IL1RAP: variants seen among roughly 807,000 people sequenced by gnomAD.
IL1RAP encodes interleukin 1 receptor accessory protein, also known as interleukin-1 receptor accessory protein.
A neutral mutation model predicts 60.7 loss-of-function variants in IL1RAP; 35 were observed. That is an observed-to-expected ratio of 0.58 (90% CI 0.44 to 0.76). The LOEUF is 0.76. Ranked by LOEUF, IL1RAP falls within the 30% of genes least tolerant of loss-of-function variation. IL1RAP has a pLI of 0.00. For missense variants in IL1RAP, 572 were observed against 693.9 expected, an observed-to-expected ratio of 0.82 and a Z score of 1.97; for synonymous variants, 268 against 250.9, an observed-to-expected ratio of 1.07 and a Z score of -0.64.
rs570492267 is a variant in IL1RAP, at chr3:190,648,821, A to G, written c.*116A>G. On this transcript the variant is annotated 3_prime_UTR_variant, in exon 12 of 12. Transcript: ENST00000447382. ...CAAAAATAATGGTCTAAGCCTCCCA[A>G]TAGGGATAAATTTAGGGTGACTGTG... The G allele has an allele frequency of 7.0e-4, 1,013 of 1,452,478 alleles. No individual in the cohort carries two copies. Among genetic ancestry groups the G allele is most frequent in the Non-Finnish European group, 8.0e-4 (881 of 1,103,006 alleles). 90.0% of individuals were successfully genotyped at this position (1,452,478 alleles called of 1,614,324 possible).
At chr3:190,632,017 G>A (rs1023814462) in intron 9 of IL1RAP, among the ~76,000 whole-genome samples, 5 of 151,834 alleles carry the variant, frequency 3.3e-5, no homozygotes, top group African/African-American at 9.7e-5. Context: ...TGGCCAGGCT[G>A]GTCTCAAACT....
chr3:190,519,688 TTGATTCTC>T (rs1472162179), intron 1 of IL1RAP, among the ~76,000 whole-genome samples: 14 of 152,194 alleles, frequency 9.2e-5, no homozygotes, highest in Non-Finnish European at 2.9e-5. Flanking sequence ...CAATCCTTTC[TTGATTCTC>T]TCCAGCTCAC....
At position 190,560,270 on chromosome 3, in the gene IL1RAP, C is replaced by A. The variant is rs543131041; in HGVS notation, c.-1-4019C>A. 3.9e-5 allele frequency among the ~76,000 whole-genome samples: 6 copies of A among 152,318 alleles called. No homozygotes were observed. The South Asian group carries it at 1.2e-3, about 32-fold the overall frequency. The stretch of plus-strand genomic sequence containing the variant: ...ATTGGGACTCAAGGAAGTGATTTGA[C>A]TACAGGGTTGACCTTTTATGGGGAT... On this transcript the variant is annotated intron_variant, in intron 2 of 11. Transcript: ENST00000447382.
chr3:190,519,262 A>G (rs1330504571), intron 1 of IL1RAP, among the ~76,000 whole-genome samples: 2 of 152,218 alleles, frequency 1.3e-5, no homozygotes, highest in Admixed American at 6.5e-5. Flanking sequence ...AAAGGGGAGT[A>G]AAAAGAAAAT....
chr3:190,525,845 T>C (rs1190306163), intron 1 of IL1RAP, among the ~76,000 whole-genome samples: 1 of 152,214 alleles, frequency 6.6e-6, no homozygotes, highest in African/African-American at 2.4e-5. Flanking sequence ...CTCAATTCAA[T>C]TCAGCTGGAA....
chr3:190,599,254 C>T (rs1037795359), intron 3 of IL1RAP, among the ~76,000 whole-genome samples: 4 of 152,102 alleles, frequency 2.6e-5, no homozygotes, highest in Admixed American at 6.6e-5. Context: ...GTTTTATTCT[C>T]TCATTTTTGT....
chr3:190,579,661 A>T (rs191605743), intron 3 of IL1RAP, among the ~76,000 whole-genome samples: 3 of 152,272 alleles, frequency 2.0e-5, no homozygotes, highest in African/African-American at 7.2e-5. Context: ...TCGTGCTGCC[A>T]TCACAACAAT....
chr3:190,635,697 T>G (rs1283736729), intron 9 of IL1RAP, among the ~76,000 whole-genome samples: 1 of 152,244 alleles, frequency 6.6e-6, no homozygotes, highest in Non-Finnish European at 1.5e-5. Flanking sequence ...TTCATTTGAA[T>G]TTTAGAGTTG....
downstream of IL1RAP, chr3:190,655,932 G>A: frequency 6.5e-7 from 1 of 1,537,408 alleles, no homozygotes; most frequent in Non-Finnish European, 8.7e-7. Flanking sequence ...GAAGCAGAAG[G>A]ATGATTGTTG....
At chr3:190,604,554 T>C (rs371419107) in intron 4 of IL1RAP, 141 bp downstream of exon 4, 1 of 826,370 alleles carries the variant, frequency 1.2e-6, no homozygotes, top group Non-Finnish European at 1.9e-6. Flanking sequence ...GCAGCTTAGC[T>C]GAAGGGGTCT....
chr3:190,632,724 G>A (rs1426743461), intron 9 of IL1RAP, among the ~76,000 whole-genome samples: 1 of 152,142 alleles, frequency 6.6e-6, no homozygotes, highest in Non-Finnish European at 1.5e-5. Flanking sequence ...TGGAAGACTG[G>A]TAGATTTTTC....
intron 1 of IL1RAP, chr3:190,518,777 A>C (rs778821590): frequency 1.6e-4 from 24 of 152,236 alleles, no homozygotes; most frequent in Non-Finnish European, 2.8e-4. Flanking sequence ...AGACCCATTC[A>C]CTATCACGAG....
chr3:190,557,323 C>T (rs958613025), intron 2 of IL1RAP, among the ~76,000 whole-genome samples: 2 of 152,150 alleles, frequency 1.3e-5, no homozygotes, highest in African/African-American at 2.4e-5. Context: ...CTTACCTCAC[C>T]CCACAGAGCA....
intron 9 of IL1RAP, among the ~76,000 whole-genome samples, chr3:190,634,368 A>G (rs1423111788): frequency 1.3e-5 from 2 of 149,488 alleles, no homozygotes; most frequent in Non-Finnish European, 1.5e-5. Context: ...GGCTCAGTGC[A>G]ACCTCCACCT....
chr3:190,542,453 A>G (rs1242568706), intron 1 of IL1RAP, among the ~76,000 whole-genome samples: 2 of 152,318 alleles, frequency 1.3e-5, no homozygotes, highest in Middle Eastern at 3.4e-3. Context: ...AAGTAAAATA[A>G]GACATGAAAA....
chr3:190,570,325 G>A (rs2108644496), intron 3 of IL1RAP, among the ~76,000 whole-genome samples: 1 of 152,268 alleles, frequency 6.6e-6, no homozygotes, highest in Middle Eastern at 3.4e-3. Context: ...AGATGACTAC[G>A]ACAATGAGAG....
chr3:190,562,750 C>T (rs1726017680), intron 2 of IL1RAP, among the ~76,000 whole-genome samples: 1 of 150,872 alleles, frequency 6.6e-6, no homozygotes, highest in South Asian at 2.1e-4. Context: ...GCTACATAAC[C>T]ACACACACAC....
chr3:190,656,964 T>A (rs573615324), exon 12 of IL1RAP: 67 of 171,886 alleles, frequency 3.9e-4, no homozygotes, highest in Non-Finnish European at 7.4e-4. Flanking sequence ...CAGTCAGGTG[T>A]ACTTGGGCTA....
At chr3:190,651,668 G>A (rs1444563486), downstream of IL1RAP, 1 of 152,694 alleles carries the variant, frequency 6.5e-6, no homozygotes, top group Non-Finnish European at 1.5e-5. Context: ...AGTAAAATGG[G>A]AACTTCTTAT....
Sources: allele counts gnomAD v4.1 joint callset (sites outside exome capture counted in the v4.1 genomes callset), GRCh38; gene constraint gnomAD v4.1.1; transcripts MANE v1.5; gene names NCBI Gene and HGNC (gene_info 2026-07-23, HGNC 2026-07-21).